ZFHX4: variants seen among roughly 807,000 people sequenced by gnomAD.
The protein encoded by ZFHX4 is zinc finger homeobox 4.
A neutral mutation model predicts 267.6 loss-of-function variants in ZFHX4; 56 were observed. That is an observed-to-expected ratio of 0.21 (90% CI 0.17 to 0.26). ZFHX4 has a LOEUF of 0.26. ZFHX4 is among the 10% of genes least tolerant of loss of function. ZFHX4 has a pLI of 1.00. For synonymous variants in ZFHX4, 1,778 were observed against 1,665.6 expected, an observed-to-expected ratio of 1.07 and a Z score of -1.64; for missense variants, 4,332 against 4,420.0, an observed-to-expected ratio of 0.98 and a Z score of 0.56.
chr8:76,841,063 C>A (rs1812221374), intron 5 of ZFHX4, among the ~76,000 whole-genome samples: 1 of 152,172 alleles, frequency 6.6e-6, no homozygotes, highest in Non-Finnish European at 1.5e-5. Flanking sequence ...ATGATTGACC[C>A]CCTAAACAAG....
chr8:76,815,937 T>A (rs1811495602), intron 4 of ZFHX4, among the ~76,000 whole-genome samples: 1 of 152,204 alleles, frequency 6.6e-6, no homozygotes, highest in Non-Finnish European at 1.5e-5. Context: ...GTAACATGTA[T>A]GAGGTAAAGG....
At chr8:76,832,011 G>T (rs895704020) in intron 4 of ZFHX4, among the ~76,000 whole-genome samples, 1 of 143,048 alleles carries the variant, frequency 7.0e-6, no homozygotes. Context: ...GTGGGGGGGG[G>T]CACTGAGTGT....
At chr8:76,770,567 C>T (rs1183106748) in intron 3 of ZFHX4, among the ~76,000 whole-genome samples, 1 of 152,094 alleles carries the variant, frequency 6.6e-6, no homozygotes, top group Non-Finnish European at 1.5e-5. Context: ...AATAAAGAAT[C>T]AGTCCATGCA....
At chr8:76,842,377 A>G (rs749356804) in intron 5 of ZFHX4, among the ~76,000 whole-genome samples, 1 of 152,220 alleles carries the variant, frequency 6.6e-6, no homozygotes, top group African/African-American at 2.4e-5. Context: ...ATTTTTAAAT[A>G]TGTTTCAGCT....
rs543386970 is a variant in ZFHX4 at position 76,852,769 on chromosome 8, A to C, written c.5848A>C (p.Thr1950Pro). The C allele has an allele frequency of 6.2e-7, 1 of 1,613,648 alleles. No homozygotes were observed. The highest frequency in any genetic ancestry group is 1.1e-5 in the South Asian group (1 of 91,018). ...GENTDKLECG[T>P]CGKLFSNVLI... is the part of the protein sequence containing the mutation. ...AAACACTGACAAACTAGAATGTGGA[A>C]CATGTGGTAAATTGTTTTCCAATGT... Residue 1950 changes from threonine (T) to proline (P), a missense_variant, in exon 10 of 11, where the codon ACA becomes CCA. Thr to Pro is a conservative substitution (Grantham distance 38). This residue lies in a region of ZFHX4 where 1,371 missense variants were observed against 1,423.1 expected (regional missense o/e 0.96). Transcript: ENST00000651372.
intron 3 of ZFHX4, among the ~76,000 whole-genome samples, chr8:76,765,224 T>C (rs1034169556): frequency 5.3e-5 from 8 of 152,146 alleles, no homozygotes; most frequent in African/African-American, 1.9e-4. Context: ...CCATAAAAAT[T>C]ATACCTTGAG....
intron 3 of ZFHX4, among the ~76,000 whole-genome samples, chr8:76,777,233 T>C (rs1343873643): frequency 9.2e-5 from 14 of 152,220 alleles, no homozygotes. Flanking sequence ...GGAAAAGTTT[T>C]TTTAAAAATA....
In ZFHX4 at chr8:76,864,545, A is replaced by G. The variant is rs1812978206; in HGVS notation, c.10831A>G (p.Met3611Val). 1 of 1,609,140 alleles carries G rather than the reference A, an allele frequency of 6.2e-7. No individual in the cohort carries two copies. Among genetic ancestry groups the G allele is most frequent in the African/African-American group, 1.3e-5 (1 of 74,906 alleles). ...GLDGNFNSIR[M>V]DMFSV ...AGATGGTAATTTCAATAGCATCCGA[A>G]TGGATATGTTCAGTGTGTAGGAGTG... The change falls in exon 11 of 11, where the codon ATG (methionine) becomes GTG (valine). Residue 3611 changes from methionine to valine, a missense_variant. Coordinates refer to ENST00000651372, the MANE Select transcript of ZFHX4 (RefSeq NM_024721.5).
At chr8:76,835,230 T>TAC (rs1250578335) in intron 5 of ZFHX4, among the ~76,000 whole-genome samples, 36 of 123,394 alleles carry the variant, frequency 2.9e-4, no homozygotes, top group Middle Eastern at 4.1e-3. Context: ...TATATATATA[T>TAC]ATATATATAT....
chr8:76,773,923 T>C (rs1313077304), intron 3 of ZFHX4, among the ~76,000 whole-genome samples: 1 of 152,142 alleles, frequency 6.6e-6, no homozygotes, highest in Non-Finnish European at 1.5e-5. Flanking sequence ...ATGATGTTTT[T>C]ACCTGTGAGA....
chr8:76,706,009 T>C lies in ZFHX4; in HGVS notation c.1921T>C (p.Cys641Arg). Residue 641 changes from cysteine (C) to arginine (R), a missense_variant, in exon 2 of 11, where the codon TGC (cysteine) becomes CGC (arginine). Cys to Arg is a radical substitution (Grantham distance 180). This residue lies in a region of ZFHX4 where 1,195 missense variants were observed against 1,173.6 expected (regional missense o/e 1.02). Coordinates refer to ENST00000651372, the MANE Select transcript of ZFHX4 (RefSeq NM_024721.5). ...GACTATGATGCACTCGAGGAACTCA[T>C]GCAAAACCCTCAAATGTCCTAAATG... ...HMTMMHSRNS[C>R]KTLKCPKCNW... 1.2e-6 allele frequency: 2 copies of C among 1,613,514 alleles called. No individual in the cohort carries two copies.
chr8:76,740,608 G>A (rs1040935826), intron 3 of ZFHX4, among the ~76,000 whole-genome samples: 1 of 152,138 alleles, frequency 6.6e-6, no homozygotes, highest in South Asian at 2.1e-4. Flanking sequence ...GAAATGGGGA[G>A]AGGGGAAGTA....
At chr8:76,751,166 C>T (rs6472982) in intron 3 of ZFHX4, among the ~76,000 whole-genome samples, 40,503 of 151,956 alleles carry the variant, frequency 0.27, 7,134 homozygotes, top group African/African-American at 0.49. Flanking sequence ...GGCCACATGT[C>T]CCTCTCATCT....
At chr8:76,835,117 A>T (rs1454227737) in intron 5 of ZFHX4, among the ~76,000 whole-genome samples, 2 of 149,552 alleles carry the variant, frequency 1.3e-5, no homozygotes, top group Non-Finnish European at 3.0e-5. Flanking sequence ...CAAGTCAAAG[A>T]GCCTAGTTGA....
chr8:76,771,816 T>A (rs1030029519), intron 3 of ZFHX4, among the ~76,000 whole-genome samples: 1 of 152,066 alleles, frequency 6.6e-6, no homozygotes, highest in Non-Finnish European at 1.5e-5. Flanking sequence ...GAGATGTTGA[T>A]AGATTGGGAA....
intron 4 of ZFHX4, among the ~76,000 whole-genome samples, chr8:76,809,381 C>A (rs1326875697): frequency 1.3e-5 from 2 of 152,150 alleles, no homozygotes; most frequent in Non-Finnish European, 2.9e-5. Context: ...TAGATATCAT[C>A]TCTTAAGCAT....
intron 1 of ZFHX4, among the ~76,000 whole-genome samples, chr8:76,691,686 G>A (rs1451107691): frequency 1.3e-5 from 2 of 152,082 alleles, no homozygotes; most frequent in African/African-American, 4.8e-5. Flanking sequence ...GGGTGCCCTT[G>A]TCCAAGTTAC....
At chr8:76,707,376 G>A (rs572799651) in intron 2 of ZFHX4, among the ~76,000 whole-genome samples, 170 bp from the exon 3 acceptor site, 5 of 152,290 alleles carry the variant, frequency 3.3e-5, no homozygotes, top group Admixed American at 2.0e-4. Context: ...AGGGAATTTA[G>A]AAGTTGAAAG....
At chr8:76,862,554 C>G (rs1023274946) in intron 10 of ZFHX4, among the ~76,000 whole-genome samples, 5 of 152,164 alleles carry the variant, frequency 3.3e-5, no homozygotes, top group African/African-American at 1.2e-4. Flanking sequence ...ATTTAATTAG[C>G]TTATCACCTT....
Sources: gnomAD v4.1 joint callset for allele counts (sites outside exome capture counted in the v4.1 genomes callset) on GRCh38, gnomAD v4.1.1 for gene constraint, gnomAD v4.1.1 regional missense constraint, MANE v1.5 for transcripts, NCBI Gene and HGNC (gene_info 2026-07-23, HGNC 2026-07-21) for gene names.